PSD3: variants seen among roughly 807,000 people sequenced by gnomAD.
PSD3 encodes pleckstrin and Sec7 domain containing 3, also known as PH and SEC7 domain-containing protein 3.
In PSD3, 49 loss-of-function variants were observed where a neutral mutation model predicts 105.5. The observed-to-expected ratio is 0.46, with a 90% CI of 0.37 to 0.59. PSD3 has a LOEUF of 0.59. Ranked by LOEUF, PSD3 falls within the 20% of genes least tolerant of loss-of-function variation. The pLI is 0.00. For missense variants in PSD3, 1,561 were observed against 1,263.8 expected, an observed-to-expected ratio of 1.24 and a Z score of -3.57; for synonymous variants, 557 against 457.8, an observed-to-expected ratio of 1.22 and a Z score of -2.77.
At chr8:18,945,812 C>A (rs1822820299) in intron 1 of PSD3, among the ~76,000 whole-genome samples, 1 of 151,610 alleles carries the variant, frequency 6.6e-6, no homozygotes, top group Non-Finnish European at 1.5e-5. Context: ...CCCATCTCTA[C>A]AAAAATACAA....
rs111257823 is a variant in PSD3, at chr8:18,666,253, G to A, written c.2173-10568C>T. 8.3e-3 allele frequency among the ~76,000 whole-genome samples: 1,270 copies of A among 152,302 alleles called. 14 individuals carry two copies. The highest frequency in any genetic ancestry group is 0.028 in the Admixed American group (421 of 15,304). On this transcript the variant is annotated intron_variant, in intron 9 of 15. Transcript: ENST00000327040. ...TTTAGTAGAGACAGGGTTTCGCCATGTTGGCCAGGCTGGTCTTGAACTCCT... is the reference window on the plus strand; with the variant it reads ...TTTAGTAGAGACAGGGTTTCGCCATATTGGCCAGGCTGGTCTTGAACTCCT...
At chr8:18,889,332 G>C (rs183965208) in intron 2 of PSD3, among the ~76,000 whole-genome samples, 1 of 152,210 alleles carries the variant, frequency 6.6e-6, no homozygotes, top group East Asian at 1.9e-4. Flanking sequence ...TGACTGTGGA[G>C]AGACTGTTCC....
intron 9 of PSD3, among the ~76,000 whole-genome samples, chr8:18,728,750 T>C (rs1215452357): frequency 5.3e-5 from 8 of 152,108 alleles, no homozygotes; most frequent in African/African-American, 1.9e-4. Flanking sequence ...CATTCCAAAA[T>C]GTATACAGAT....
chr8:18,955,832 G>A (rs1017666408), intron 1 of PSD3, among the ~76,000 whole-genome samples: 6 of 151,998 alleles, frequency 3.9e-5, no homozygotes, highest in South Asian at 2.1e-4. Context: ...GTAGTGGTGC[G>A]AACTTGGCTC....
At chr8:19,037,147 G>A (rs1827970478) in intron 1 of PSD3, among the ~76,000 whole-genome samples, 1 of 152,244 alleles carries the variant, frequency 6.6e-6, no homozygotes, top group Non-Finnish European at 1.5e-5. Flanking sequence ...TTAAGCCTGA[G>A]GAATGATTGA....
At chr8:18,875,073 C>G (rs1374383804) in intron 2 of PSD3, among the ~76,000 whole-genome samples, 3 of 152,158 alleles carry the variant, frequency 2.0e-5, no homozygotes, top group African/African-American at 7.2e-5. Context: ...CATGCACCAT[C>G]ATGTCCAGCT....
intron 2 of PSD3, among the ~76,000 whole-genome samples, chr8:18,884,734 T>C (rs1407971453): frequency 4.6e-5 from 7 of 152,240 alleles, no homozygotes; most frequent in African/African-American, 1.7e-4. Flanking sequence ...AAGTGATTAA[T>C]AGTTACAGCT....
At chr8:18,818,456 T>C (rs1447145256) in intron 4 of PSD3, among the ~76,000 whole-genome samples, 1 of 152,120 alleles carries the variant, frequency 6.6e-6, no homozygotes. Context: ...GGGTGAGCGC[T>C]GTGTTCTTTA....
intron 4 of PSD3, chr8:18,865,269 TATATATATATA>T (rs1563360511): frequency 7.1e-3 from 36 of 5,042 alleles, no homozygotes; most frequent in South Asian, 0.01. Context: ...TATATATATA[TATATATATATA>T]TATATATTTT....
chr8:18,677,941 C>T (rs570886963), intron 9 of PSD3, among the ~76,000 whole-genome samples: 22 of 148,904 alleles, frequency 1.5e-4, no homozygotes, highest in Admixed American at 4.1e-4. Flanking sequence ...ACCTGGGAGG[C>T]AGAGCTTGCA....
At chr8:18,727,655 G>A (rs768439831) in intron 9 of PSD3, among the ~76,000 whole-genome samples, 3 of 151,436 alleles carry the variant, frequency 2.0e-5, no homozygotes, top group Non-Finnish European at 4.4e-5. Context: ...CACTATTCCA[G>A]GCTGGCTATC....
chr8:18,763,337 C>A (rs1585881108), intron 9 of PSD3, among the ~76,000 whole-genome samples: 1 of 151,960 alleles, frequency 6.6e-6, no homozygotes, highest in African/African-American at 2.4e-5. Context: ...GTCACACATG[C>A]CTGTAACATG....
rs1439528534 is a variant in PSD3, at chr8:18,826,790, G to A, written c.1635-21892C>T. Among the ~76,000 whole-genome samples, 3 of 152,206 alleles carry A rather than the reference G, an allele frequency of 2.0e-5. No individual in the cohort carries two copies. In the South Asian group the frequency reaches 6.2e-4, roughly 32 times the overall value. ...ACTTTCATTTTGTACTCAACACTGA[G>A]ATGAATATTTCTAAAGCCAGAGGCA... is the stretch of plus-strand genomic sequence containing the variant. On this transcript the variant is annotated intron_variant, in intron 4 of 15. Transcript: ENST00000327040.
chr8:18,658,484 T>G (rs920015823), intron 9 of PSD3, among the ~76,000 whole-genome samples: 1 of 152,008 alleles, frequency 6.6e-6, no homozygotes, highest in African/African-American at 2.4e-5. Context: ...TTCTTTGTTC[T>G]GCTGTTGTAC....
chr8:18,659,579 C>T (rs941663740), intron 9 of PSD3, among the ~76,000 whole-genome samples: 11 of 152,192 alleles, frequency 7.2e-5, no homozygotes, highest in African/African-American at 2.7e-4. Flanking sequence ...CTTATAGCAT[C>T]GTATATGCCT....
intron 2 of PSD3, among the ~76,000 whole-genome samples, chr8:18,916,297 GATATATATATATATATATAT>G (rs71218908): frequency 0.032 from 995 of 31,188 alleles, 50 homozygotes; most frequent in African/African-American, 0.089. Context: ...TAAAAAAAGT[GATATATATATATATATATAT>G]ATATATATAT....
intron 9 of PSD3, among the ~76,000 whole-genome samples, chr8:18,691,147 A>G (rs1205242605): frequency 2.0e-5 from 3 of 152,162 alleles, no homozygotes; most frequent in African/African-American, 4.8e-5. Flanking sequence ...GGGGGGAAAA[A>G]TCTTTAAATA....
intron 1 of PSD3, among the ~76,000 whole-genome samples, chr8:19,042,909 G>C (rs775026921): frequency 1.1e-4 from 16 of 152,084 alleles, no homozygotes; most frequent in Admixed American, 3.9e-4. Flanking sequence ...AACTTCCATC[G>C]TTATAAAATC....
rs577537382 is a variant in PSD3 at position 19,040,809 on chromosome 8, A to G, written c.324+43397T>C. ...AGGGAAGAAATCAGGAATGTTGTCC[A>G]TGAGTTGTTCTTGGACCACAGGTTA... On this transcript the variant is annotated intron_variant, in intron 1 of 1. Transcript: ENST00000521475. 7.2e-5 allele frequency among the ~76,000 whole-genome samples: 11 copies of G among 152,332 alleles called. No homozygotes were observed. In the South Asian group the frequency reaches 1.5e-3, roughly 20 times the overall value.
Sources: gnomAD v4.1 joint callset for allele counts (sites outside exome capture counted in the v4.1 genomes callset) on GRCh38, gnomAD v4.1.1 for gene constraint, MANE v1.5 for transcripts, NCBI Gene and HGNC (gene_info 2026-07-23, HGNC 2026-07-21) for gene names.